ALMS1: variants seen among roughly 807,000 people sequenced by gnomAD.
ALMS1 encodes the protein ALMS1 centrosome and basal body associated protein, also known as centrosome-associated protein ALMS1.
In ALMS1, 271 loss-of-function variants were observed where a neutral mutation model predicts 352.2. That is an observed-to-expected ratio of 0.77 (90% CI 0.70 to 0.85). The LOEUF (loss-of-function observed/expected upper bound fraction) is 0.85, where lower values mean the gene tolerates loss of function less well. Among genes scored for constraint, ALMS1 ranks in the 40% least tolerant of loss-of-function variants. ALMS1 has a pLI of 0.00. For missense variants in ALMS1, 5,445 were observed against 4,870.7 expected (o/e 1.12, Z -3.51); for synonymous variants, 1,865 against 1,761.2 (o/e 1.06, Z -1.48).
intron 1 of ALMS1, among the ~76,000 whole-genome samples, chr2:73,388,538 C>T (rs951960984): frequency 2.6e-5 from 4 of 152,100 alleles, no homozygotes; most frequent in African/African-American, 9.7e-5. Flanking sequence ...ACCCATTGTA[C>T]CCACTTGTCT....
In ALMS1 at chr2:73,608,385, G is replaced by C. The variant is rs1044623097; in HGVS notation, c.12363-90G>C. On this transcript the variant is annotated intron_variant, in intron 21 of 22. Transcript: ENST00000613296. ...GGGATGAGCTCCTGGAGAGTGGGAG[G>C]TATAGGGAGGGATGATGAGAGGAGA... is the stretch of plus-strand genomic sequence containing the variant. The C allele has an allele frequency of 3.0e-6, 3 of 1,003,482 alleles. No individual in the cohort carries two copies. In the Admixed American group the frequency reaches 5.1e-5, roughly 17 times the overall value. 62.2% of individuals were successfully genotyped at this position (1,003,482 alleles called of 1,614,324 possible).
chr2:73,415,129 G>C (rs1164981503), intron 2 of ALMS1, among the ~76,000 whole-genome samples: 2 of 152,122 alleles, frequency 1.3e-5, no homozygotes, highest in East Asian at 3.8e-4. Flanking sequence ...GTATTTGTCA[G>C]AATGCTTATA....
chr2:73,588,926 G>A (rs775778025), intron 16 of ALMS1, among the ~76,000 whole-genome samples: 1 of 151,924 alleles, frequency 6.6e-6, no homozygotes, highest in African/African-American at 2.4e-5. Flanking sequence ...AATCCAAAGC[G>A]TAAATTTTTT....
rs760945886 is a variant in ALMS1, at chr2:73,489,647, C to T, written c.7688C>T (p.Pro2563Leu). Residue 2563 changes from proline (P) to leucine (L), a missense_variant, in exon 10 of 23, where the codon CCA (proline) becomes CTA (leucine). Coordinates refer to ENST00000613296, the MANE Select transcript of ALMS1 (RefSeq NM_001378454.1). ...TGTATCTTCTAGGGTTTACAGAGTC[C>T]ACGGGGAATGGGATGCAAGCCAGAA... ...TTDLSKGLQSPRGMGCKPEAV... is the reference protein window; with the variant it reads ...TTDLSKGLQSLRGMGCKPEAV... The T allele has an allele frequency of 1.3e-5, 21 of 1,613,878 alleles. No homozygotes were observed. Among genetic ancestry groups the T allele is most frequent in the Non-Finnish European group, 1.7e-5 (20 of 1,180,022 alleles).
chr2:73,589,758 C>A (rs373174550), intron 16 of ALMS1, among the ~76,000 whole-genome samples: 2 of 152,172 alleles, frequency 1.3e-5, no homozygotes, highest in East Asian at 1.9e-4. Flanking sequence ...CCCAGGAGCA[C>A]CCAGGTTCCT....
intron 2 of ALMS1, among the ~76,000 whole-genome samples, chr2:73,417,582 T>G (rs1004397273): frequency 3.9e-5 from 6 of 152,044 alleles, no homozygotes; most frequent in Admixed American, 1.3e-4. Flanking sequence ...AAAGAAATTT[T>G]GTGACTTGGG....
chr2:73,561,759 T>C (rs1331304940), intron 15 of ALMS1, among the ~76,000 whole-genome samples: 3 of 151,206 alleles, frequency 2.0e-5, no homozygotes, highest in Non-Finnish European at 2.9e-5. Context: ...ATACATAAGA[T>C]GAAGAAATAT....
In ALMS1 at chr2:73,491,110, C is replaced by G; in HGVS notation, c.9151C>G (p.Leu3051Val). Residue 3051 changes from leucine to valine, a missense_variant, in exon 10 of 23, where the codon CTT becomes GTT. By Grantham distance (32) the Leu-to-Val change is conservative. Coordinates refer to ENST00000613296, the MANE Select transcript of ALMS1 (RefSeq NM_001378454.1). ...RKALSCVHIT[L>V]CPKTSSKLDS... ...AGCACTTTCTTGTGTTCATATAACT[C>G]TTTGTCCCAAGACTTCTTCCAAGTT... is the stretch of plus-strand genomic sequence containing the variant. 6.2e-7 allele frequency: 1 copy of G among 1,614,162 alleles called. No individual in the cohort carries two copies. The highest frequency in any genetic ancestry group is 8.5e-7 in the Non-Finnish European group (1 of 1,180,010).
chr2:73,444,197 G>T (rs1303424968), intron 7 of ALMS1, among the ~76,000 whole-genome samples: 1 of 152,136 alleles, frequency 6.6e-6, no homozygotes, highest in Non-Finnish European at 1.5e-5. Flanking sequence ...GCAGGACTTT[G>T]AAGGGTTCTC....
intron 9 of ALMS1, among the ~76,000 whole-genome samples, chr2:73,464,340 A>G (rs932865603): frequency 3.3e-5 from 5 of 152,236 alleles, no homozygotes; most frequent in Non-Finnish European, 5.9e-5. Context: ...ACCAAAGACA[A>G]AAACCACATG....
chr2:73,386,885 T>C (rs1670551294), intron 1 of ALMS1, among the ~76,000 whole-genome samples: 1 of 152,210 alleles, frequency 6.6e-6, no homozygotes, highest in South Asian at 2.1e-4. Flanking sequence ...CCCCCCTTTT[T>C]TTAACTTACT....
At chr2:73,440,803 G>T (rs1418884006) in intron 7 of ALMS1, among the ~76,000 whole-genome samples, 1 of 152,132 alleles carries the variant, frequency 6.6e-6, no homozygotes, top group Non-Finnish European at 1.5e-5. Flanking sequence ...TGGACATTTT[G>T]GATATTATGT....
At chr2:73,409,763 T>C (rs1389871604) in intron 2 of ALMS1, among the ~76,000 whole-genome samples, 3 of 152,152 alleles carry the variant, frequency 2.0e-5, no homozygotes, top group Non-Finnish European at 4.4e-5. Context: ...TATATATCTT[T>C]ATTGATATTT....
At chr2:73,506,200 A>G (rs537365697) in intron 10 of ALMS1, among the ~76,000 whole-genome samples, 2 of 152,204 alleles carry the variant, frequency 1.3e-5, no homozygotes, top group East Asian at 3.9e-4. Flanking sequence ...GCCTTGTAGT[A>G]TAGTTTGAAG....
At chr2:73,457,156 A>C (rs935513523) in intron 9 of ALMS1, 5 of 152,224 alleles carry the variant, frequency 3.3e-5, no homozygotes, top group Non-Finnish European at 5.9e-5. Flanking sequence ...AAGCAAAGCA[A>C]AACAAACCAA....
At chr2:73,414,475 T>TTTTTTTTTTGG (rs1553399398) in intron 2 of ALMS1, among the ~76,000 whole-genome samples, 10 of 73,958 alleles carry the variant, frequency 1.4e-4, no homozygotes, top group Non-Finnish European at 2.0e-4. Flanking sequence ...TTTTTTCCGT[T>TTTTTTTTTTGG]TTTTTTTTTT....
Position 73,572,797 on chromosome 2 carries a change from C to T in ALMS1, c.10920C>T (p.Ile3640=). Residue 3640 remains isoleucine (I), a synonymous_variant, in exon 16 of 23, where the codon ATC becomes ATT. Transcript: ENST00000613296. ...DRLAKILQNP[I]THSLQVSEST... ...TGGCTAAAATTCTTCAGAATCCAAT[C>T]ACACATTCTCTCCAGGTCTCAGAAA... The T allele has an allele frequency of 6.2e-7, 1 of 1,614,084 alleles. No homozygotes were observed. Among genetic ancestry groups the T allele is most frequent in the East Asian group, 2.2e-5 (1 of 44,880 alleles).
chr2:73,418,449 T>G (rs544380690), intron 2 of ALMS1, among the ~76,000 whole-genome samples: 1 of 152,322 alleles, frequency 6.6e-6, no homozygotes, highest in South Asian at 2.1e-4. Flanking sequence ...GCCCAGCCCT[T>G]GCGTGCACCA....
rs547742421 is a variant in ALMS1, at chr2:73,575,721, T to C, written c.11547+2297T>C. On this transcript the variant is annotated intron_variant, in intron 16 of 22. Transcript: ENST00000613296. ...GGGATTTTCTATATATTCTGGATAT[T>C]GATCTCTTGTTAGATACATGATCTG... Among the ~76,000 whole-genome samples, 13 of 152,320 alleles carry C rather than the reference T, an allele frequency of 8.5e-5. No homozygotes were observed. In the South Asian group the frequency reaches 2.7e-3, roughly 32 times the overall value.
Sources: allele counts gnomAD v4.1 joint callset (sites outside exome capture counted in the v4.1 genomes callset), GRCh38; gene constraint gnomAD v4.1.1; transcripts MANE v1.5; gene names NCBI Gene and HGNC (gene_info 2026-07-23, HGNC 2026-07-21).